Variants in NAV1 observed in about 807,000 individuals in gnomAD.
NAV1 encodes neuron navigator 1, also known as pore membrane and/or filament interacting like protein 3.
NAV1 carries 18 observed loss-of-function variants against 175.2 expected under a neutral mutation model. The observed-to-expected ratio is 0.10, with a 90% CI of 0.07 to 0.15. The LOEUF (loss-of-function observed/expected upper bound fraction) is 0.15, where lower values mean the gene tolerates loss of function less well. Among genes scored for constraint, NAV1 ranks in the 10% least tolerant of loss-of-function variants. The pLI, the probability that NAV1 is intolerant of heterozygous loss-of-function variation, is 1.00. For missense variants in NAV1, 1,731 were observed against 2,436.6 expected, an observed-to-expected ratio of 0.71 and a Z score of 6.10; for synonymous variants, 897 against 978.7, an observed-to-expected ratio of 0.92 and a Z score of 1.56.
intron 2 of NAV1, among the ~76,000 whole-genome samples, chr1:201,716,881 A>C (rs1157834155): frequency 6.6e-6 from 1 of 152,182 alleles, no homozygotes; most frequent in Non-Finnish European, 1.5e-5. Flanking sequence ...CTGTCTCAAA[A>C]ATAAGTAAAT....
chr1:201,649,842 A>T lies in NAV1; in HGVS notation c.757+417A>T, dbSNP rs570264532. 1.9e-4 allele frequency among the ~76,000 whole-genome samples: 29 copies of T among 152,304 alleles called. 1 individual carries two copies. In the South Asian group the frequency reaches 4.6e-3, roughly 24 times the overall value. On this transcript the variant is annotated intron_variant, in intron 1 of 29. Transcript: ENST00000367296. Reference sequence around the variant, plus strand: ...AGGGGAGCGTCCAGCGAGAGCCCGGATCTAGAGGACAGATGTGGGAGAGCA... The same window carrying T: ...AGGGGAGCGTCCAGCGAGAGCCCGGTTCTAGAGGACAGATGTGGGAGAGCA...
At chr1:201,686,866 G>T (rs1188561280) in intron 1 of NAV1, among the ~76,000 whole-genome samples, 3 of 152,232 alleles carry the variant, frequency 2.0e-5, no homozygotes, top group Admixed American at 2.0e-4. Context: ...AGGAAGGACA[G>T]ATGACAGGAG....
intron 2 of NAV1, among the ~76,000 whole-genome samples, chr1:201,606,383 C>A (rs1667677995): frequency 6.6e-6 from 1 of 152,214 alleles, no homozygotes. Context: ...TATAGCCACT[C>A]AACCTACCCA....
chr1:201,679,350 C>A (rs1670379519), intron 1 of NAV1, among the ~76,000 whole-genome samples: 1 of 152,144 alleles, frequency 6.6e-6, no homozygotes, highest in African/African-American at 2.4e-5. Context: ...CCTTCCACCC[C>A]TAAAGGGCAA....
chr1:201,725,787 T>C (rs1293128243), intron 3 of NAV1, among the ~76,000 whole-genome samples: 1 of 151,764 alleles, frequency 6.6e-6, no homozygotes. Flanking sequence ...CAAGACACTG[T>C]TTCTACAAAA....
At chr1:201,663,564 G>A (rs1347177710) in intron 1 of NAV1, among the ~76,000 whole-genome samples, 3 of 152,192 alleles carry the variant, frequency 2.0e-5, no homozygotes, top group Non-Finnish European at 4.4e-5. Context: ...CCCTCTGGTG[G>A]TCCTCCATGC....
At chr1:201,760,563 C>G (rs1055277616) in intron 3 of NAV1, among the ~76,000 whole-genome samples, 1 of 152,144 alleles carries the variant, frequency 6.6e-6, no homozygotes, top group African/African-American at 2.4e-5. Context: ...CAGAGTTGTT[C>G]ACTGACTTTC....
At chr1:201,648,875 C>T (rs750646905) in exon 1 of NAV1, 5 of 1,612,296 alleles carry the variant, frequency 3.1e-6, no homozygotes, top group African/African-American at 1.3e-5. Flanking sequence ...TCTTCAAGTC[C>T]GGCAGCGTGG....
At chr1:201,741,774 T>C (rs2102558188) in intron 3 of NAV1, among the ~76,000 whole-genome samples, 1 of 152,336 alleles carries the variant, frequency 6.6e-6, no homozygotes, top group East Asian at 1.9e-4. Context: ...TTCTTTCTTT[T>C]GAATTGATAT....
intron 2 of NAV1, among the ~76,000 whole-genome samples, chr1:201,613,647 G>A (rs1391368032): frequency 6.6e-6 from 1 of 152,208 alleles, no homozygotes; most frequent in African/African-American, 2.4e-5. Flanking sequence ...CAGATCACCT[G>A]AGGTCAGGAG....
chr1:201,712,011 T>G (rs544758931), intron 1 of NAV1, among the ~76,000 whole-genome samples: 21 of 152,286 alleles, frequency 1.4e-4, no homozygotes, highest in African/African-American at 4.8e-4. Flanking sequence ...TCTTGGTGAT[T>G]TGGGATTCTG....
At position 201,685,736 on chromosome 1, in the gene NAV1, C is replaced by A. The variant is rs1354371676; in HGVS notation, c.758-27081C>A. 2.0e-5 allele frequency among the ~76,000 whole-genome samples: 3 copies of A among 152,166 alleles called. 1 individual carries two copies. Among genetic ancestry groups the A allele is most frequent in the East Asian group, 1.9e-4 (1 of 5,194 alleles). ...AGTCCACAAGACTTGAAATGACTTA[C>A]AGATCATTTTACAAATGAGGAGCAG... On this transcript the variant is annotated intron_variant, in intron 1 of 29. Coordinates refer to ENST00000367296, the Ensembl canonical transcript of NAV1.
intron 1 of NAV1, among the ~76,000 whole-genome samples, chr1:201,698,722 G>C (rs1671287816): frequency 6.6e-6 from 1 of 152,166 alleles, no homozygotes; most frequent in Non-Finnish European, 1.5e-5. Context: ...TTTGTCACTT[G>C]GCCACTGGTA....
At chr1:201,817,028 C>T in intron 28 of NAV1, 60 bp from the exon 33 acceptor site, 1 of 1,507,866 alleles carries the variant, frequency 6.6e-7, no homozygotes. Context: ...CAAAAGACTG[C>T]ATGAACAAGC....
At chr1:201,649,463 T>C in intron 1 of NAV1, 38 bp downstream of exon 5, 1 of 1,446,440 alleles carries the variant, frequency 6.9e-7, no homozygotes, top group Non-Finnish European at 9.2e-7. Context: ...GCCCCTGGCT[T>C]TCTCCTAACC....
In NAV1 at chr1:201,808,535, T is replaced by C; in HGVS notation, c.3963T>C (p.Leu1321=). The change falls in exon 19 of 30, where the codon CTT becomes CTC. Residue 1321 remains leucine, a synonymous_variant. Coordinates refer to ENST00000367296, the Ensembl canonical transcript of NAV1. The surrounding 1 kb of genome is among the most constrained non-coding windows in gnomAD (Gnocchi z 5.5). ...AGCTATGGGAGAAGGAAATGAAGCT[T>C]ACAGACATCCGCTTGGAGGCCCTCA... 1.9e-6 allele frequency: 3 copies of C among 1,614,218 alleles called. No homozygotes were observed. Among genetic ancestry groups the C allele is most frequent in the Non-Finnish European group, 2.5e-6 (3 of 1,180,032 alleles).
chr1:201,755,435 AAG>A (rs1256068344), intron 3 of NAV1, among the ~76,000 whole-genome samples: 1 of 152,328 alleles, frequency 6.6e-6, no homozygotes, highest in South Asian at 2.1e-4. Flanking sequence ...AAAAAGAAGA[AAG>A]AGAAGAAGAG....
chr1:201,720,697 G>A (rs1672346111), intron 3 of NAV1, among the ~76,000 whole-genome samples: 1 of 152,178 alleles, frequency 6.6e-6, no homozygotes, highest in African/African-American at 2.4e-5. Context: ...TTATCTCAGG[G>A]TTCTGATGAG....
At chr1:201,697,870 T>C (rs1671254830) in intron 1 of NAV1, among the ~76,000 whole-genome samples, 1 of 152,246 alleles carries the variant, frequency 6.6e-6, no homozygotes, top group Non-Finnish European at 1.5e-5. Context: ...TTGGAATGAA[T>C]ATGCCAGGTC....
Sources: gnomAD v4.1 joint callset for allele counts (sites outside exome capture counted in the v4.1 genomes callset) on GRCh38, gnomAD v4.1.1 for gene constraint, Gnocchi (gnomAD v3.1) non-coding constraint, MANE v1.5 for transcripts, NCBI Gene and HGNC (gene_info 2026-07-23, HGNC 2026-07-21) for gene names.